Variants in ADAMTS17 observed in about 807,000 individuals in gnomAD.
ADAMTS17 encodes the protein A disintegrin and metalloproteinase with thrombospondin motifs 17.
Under a neutral mutation model 141.5 loss-of-function variants are expected in ADAMTS17, and 113 were observed. The observed-to-expected ratio is 0.80, with a 90% CI of 0.69 to 0.93. ADAMTS17 has a LOEUF of 0.93. Among genes scored for constraint, ADAMTS17 ranks in the 40% least tolerant of loss-of-function variants. The pLI, the probability that ADAMTS17 is intolerant of heterozygous loss-of-function variation, is 0.00. For missense variants in ADAMTS17, 1,659 were observed against 1,517.9 expected (o/e 1.09, Z -1.54); for synonymous variants, 768 against 630.6 (o/e 1.22, Z -3.27).
intron 12 of ADAMTS17, among the ~76,000 whole-genome samples, chr15:100,126,648 T>TC (rs1357336934): frequency 3.3e-5 from 5 of 152,220 alleles, no homozygotes. Context: ...TCGTTTATGA[T>TC]CAGCTTTGTG....
At chr15:100,105,936 C>T (rs2141075778) in intron 14 of ADAMTS17, among the ~76,000 whole-genome samples, 1 of 152,288 alleles carries the variant, frequency 6.6e-6, no homozygotes, top group South Asian at 2.1e-4. Context: ...AGTGATCTGC[C>T]CGCCTTGGCC....
intron 7 of ADAMTS17, among the ~76,000 whole-genome samples, chr15:100,249,005 A>G (rs2043070144): frequency 6.6e-6 from 1 of 151,662 alleles, no homozygotes; most frequent in Admixed American, 6.6e-5. Context: ...CACCATGTTG[A>G]TCAGGCTGGT....
intron 7 of ADAMTS17, 94 bp downstream of exon 7, chr15:100,254,042 G>T: frequency 8.1e-7 from 1 of 1,233,576 alleles, no homozygotes; most frequent in Non-Finnish European, 1.2e-6. Flanking sequence ...TGCAGTGCTT[G>T]TTTGAGGACA....
At chr15:100,063,571 T>A (rs6598297) in intron 15 of ADAMTS17, 781,928 of 1,028,372 alleles carry the variant, frequency 0.76, 303,120 homozygotes, top group South Asian at 0.81. Flanking sequence ...AACACAGGCG[T>A]GAAACCAGCC....
chr15:100,198,087 G>A (rs555984365), intron 8 of ADAMTS17, among the ~76,000 whole-genome samples: 1 of 152,248 alleles, frequency 6.6e-6, no homozygotes, highest in South Asian at 2.1e-4. Flanking sequence ...ACAGGTTGAT[G>A]GGTGCAGCAA....
chr15:100,179,749 AGAT>A (rs2040460417), intron 8 of ADAMTS17, among the ~76,000 whole-genome samples: 2 of 152,184 alleles, frequency 1.3e-5, no homozygotes, highest in African/African-American at 4.8e-5. Flanking sequence ...AACTGGGGTG[AGAT>A]GATATCTCAT....
chr15:100,003,631 G>A (rs867418314), intron 18 of ADAMTS17, among the ~76,000 whole-genome samples: 3 of 152,256 alleles, frequency 2.0e-5, no homozygotes, highest in Non-Finnish European at 4.4e-5. Flanking sequence ...AGGTGGAAAC[G>A]ATGCAAGTGT....
chr15:100,175,404 C>T (rs1021591952), intron 8 of ADAMTS17, among the ~76,000 whole-genome samples: 10 of 152,126 alleles, frequency 6.6e-5, no homozygotes, highest in South Asian at 2.1e-4. Flanking sequence ...ATGATTTCAC[C>T]GGACTGAGGC....
chr15:100,104,220 A>G (rs2036289448), intron 14 of ADAMTS17, among the ~76,000 whole-genome samples: 1 of 152,110 alleles, frequency 6.6e-6, no homozygotes, highest in South Asian at 2.1e-4. Context: ...AGGCTTATTA[A>G]CCCGGTGTCT....
chr15:100,230,343 G>A (rs776765855), intron 7 of ADAMTS17, among the ~76,000 whole-genome samples: 1 of 152,188 alleles, frequency 6.6e-6, no homozygotes. Flanking sequence ...CTGAGGGCAG[G>A]CTAGATAGTA....
At chr15:100,067,170 C>T (rs1322166828) in intron 15 of ADAMTS17, among the ~76,000 whole-genome samples, 2 of 152,048 alleles carry the variant, frequency 1.3e-5, no homozygotes, top group East Asian at 3.9e-4. Flanking sequence ...CAGCAATATT[C>T]CTTCAACACT....
intron 20 of ADAMTS17, chr15:99,979,866 G>C (rs896369113): frequency 1.4e-4 from 22 of 152,316 alleles, no homozygotes; most frequent in African/African-American, 5.1e-4. Context: ...ACATCAATAA[G>C]TTACTTAATG....
chr15:100,164,205 C>T (rs1184509475), intron 8 of ADAMTS17, among the ~76,000 whole-genome samples: 3 of 152,146 alleles, frequency 2.0e-5, no homozygotes, highest in Admixed American at 1.3e-4. Context: ...GTCCTGATGG[C>T]TTTGATGAGA....
intron 7 of ADAMTS17, among the ~76,000 whole-genome samples, chr15:100,203,967 G>A (rs1034993542): frequency 6.6e-6 from 1 of 151,892 alleles, no homozygotes; most frequent in Non-Finnish European, 1.5e-5. Context: ...TTTATCGAGA[G>A]AAGAGGCTCC....
At chr15:100,032,887 T>C (rs1303534795) in intron 18 of ADAMTS17, among the ~76,000 whole-genome samples, 1 of 152,202 alleles carries the variant, frequency 6.6e-6, no homozygotes, top group Admixed American at 6.5e-5. Context: ...CAGCAGCCAC[T>C]TCCTCCTTTC....
chr15:100,279,075 TG>T (rs2044197985), intron 4 of ADAMTS17, among the ~76,000 whole-genome samples: 1 of 152,068 alleles, frequency 6.6e-6, no homozygotes, highest in South Asian at 2.1e-4. Context: ...AACGGTGCAT[TG>T]GGGGTTCATC....
At chr15:100,255,828 G>C (rs961295914) in intron 6 of ADAMTS17, among the ~76,000 whole-genome samples, 1 of 152,202 alleles carries the variant, frequency 6.6e-6, no homozygotes. Context: ...TGGCTGAGGA[G>C]GACTCCACCT....
chr15:100,237,823 G>A (rs951589266), intron 7 of ADAMTS17, among the ~76,000 whole-genome samples: 10 of 151,946 alleles, frequency 6.6e-5, no homozygotes, highest in African/African-American at 2.4e-4. Context: ...AGGGTTTCAC[G>A]ATGTTGGCCA....
chr15:100,093,781 G>A (rs886138232), intron 15 of ADAMTS17, among the ~76,000 whole-genome samples: 2 of 152,078 alleles, frequency 1.3e-5, no homozygotes. Context: ...CTGTTTGCCC[G>A]GGGGTCCCCT....
Sources: gnomAD v4.1 joint callset for allele counts (sites outside exome capture counted in the v4.1 genomes callset) on GRCh38, gnomAD v4.1.1 for gene constraint, MANE v1.5 for transcripts, NCBI Gene and HGNC (gene_info 2026-07-23, HGNC 2026-07-21) for gene names.